Variants in TBP observed in about 807,000 individuals in gnomAD.
TBP encodes the protein TATA-box-binding protein.
TBP carries 12 observed loss-of-function variants against 46.2 expected under a neutral mutation model. That is an observed-to-expected ratio of 0.26 (90% CI 0.17 to 0.42). The LOEUF is 0.42. Among genes scored for constraint, TBP ranks in the 10% least tolerant of loss-of-function variants. The pLI, the probability that TBP is intolerant of heterozygous loss-of-function variation, is 1.00. For missense variants in TBP, 229 were observed against 403.1 expected, an observed-to-expected ratio of 0.57 and a Z score of 3.70; for synonymous variants, 157 against 148.3, an observed-to-expected ratio of 1.06 and a Z score of -0.42.
chr6:170,558,673 A>G (rs1277091714), intron 2 of TBP, among the ~76,000 whole-genome samples: 1 of 145,826 alleles, frequency 6.9e-6, no homozygotes, highest in East Asian at 2.0e-4. Flanking sequence ...TTGTTATCAA[A>G]CTTTTTTTTT....
intron 5 of TBP, 143 bp downstream of exon 5, chr6:170,567,152 TATTTTTA>T: frequency 6.6e-6 from 2 of 304,628 alleles, no homozygotes; most frequent in African/African-American, 4.4e-5. Flanking sequence ...TTCTATTAAT[TATTTTTA>T]TTTATTTATT....
At position 170,564,603 on chromosome 6, in the gene TBP, C is replaced by T. The variant is rs756227958; in HGVS notation, c.556C>T (p.Arg186Cys). The T allele has an allele frequency of 2.5e-6, 4 of 1,610,368 alleles. No individual in the cohort carries two copies. Among genetic ancestry groups the T allele is most frequent in the Non-Finnish European group, 3.4e-6 (4 of 1,178,022 alleles). The change falls in exon 4 of 8, where the codon CGT becomes TGT. Residue 186 changes from arginine (R) to cysteine (C), a missense_variant. Coordinates refer to ENST00000392092, the MANE Select transcript of TBP (RefSeq NM_003194.5). ...CKLDLKTIAL[R>C]ARNAEYNPKR... is the part of the protein sequence containing the mutation. ...ACTTGACCTAAAGACCATTGCACTTCGTGCCCGAAACGCCGAATATAATCC... is the reference window on the plus strand; with the variant it reads ...ACTTGACCTAAAGACCATTGCACTTTGTGCCCGAAACGCCGAATATAATCC...
At position 170,562,192 on chromosome 6, in the gene TBP, C is replaced by T; in HGVS notation, c.456C>T (p.Ala152=). The T allele has an allele frequency of 1.2e-6, 2 of 1,614,186 alleles. No individual in the cohort carries two copies. Among genetic ancestry groups the T allele is most frequent in the Non-Finnish European group, 1.7e-6 (2 of 1,180,032 alleles). The change falls in exon 3 of 8, where the codon GCC becomes GCT. Residue 152 remains alanine (A), a synonymous_variant. Transcript: ENST00000392092. ...PMTPMTPITP[A]TPASESSGIV... is the part of the protein sequence containing the mutation. ...CTCCCATGACCCCCATCACTCCTGC[C>T]ACGCCAGCTTCGGAGAGTTCTGGGA...
At position 170,562,245 on chromosome 6, in the gene TBP, G is replaced by A. The variant is rs200023019; in HGVS notation, c.497+12G>A. ...GTACCGCAGCTGCAGTGAGTACTTC[G>A]TGTTTTATGTTTCCTCCCACTTAGG... On this transcript the variant is annotated intron_variant, in intron 3 of 7. Coordinates refer to ENST00000392092, the MANE Select transcript of TBP (RefSeq NM_003194.5). 5.7e-5 allele frequency: 91 copies of A among 1,607,680 alleles called. No individual in the cohort carries two copies. In the East Asian group the frequency reaches 1.5e-3, roughly 27 times the overall value.
rs55985680 is a variant in TBP, at chr6:170,572,767, A to G, written c.*502A>G. 6,630 of 155,506 alleles carry G rather than the reference A, an allele frequency of 0.043. 175 individuals are homozygous for G. The highest frequency in any genetic ancestry group is 0.082 in the Middle Eastern group (25 of 304). The allele number at this position is 155,506 out of a possible 1,614,324, so 9.6% of individuals were successfully genotyped here. The stretch of plus-strand genomic sequence containing the variant: ...TTCCACCTCTCCAGTATTGCAGGAC[A>G]GAATATATGTGTTAATGAAAATGAA... On this transcript the variant is annotated 3_prime_UTR_variant, in exon 8 of 8. Transcript: ENST00000392092.
In TBP at chr6:170,569,609, T is replaced by C. The variant is rs1438635732; in HGVS notation, c.678-3T>C. The C allele has an allele frequency of 3.1e-6, 5 of 1,612,140 alleles. No homozygotes were observed. Among genetic ancestry groups the C allele is most frequent in the Non-Finnish European group, 4.2e-6 (5 of 1,179,322 alleles). ...GAATAACTCACTTTTTTCCTTTCCC[T>C]AGTGAAGAACAGTCCAGACTGGCAG... On this transcript the variant is annotated splice_region_variant and splice_polypyrimidine_tract_variant and intron_variant, in intron 5 of 7. Coordinates refer to ENST00000392092, the MANE Select transcript of TBP (RefSeq NM_003194.5).
rs377394208 is a variant in TBP, at chr6:170,568,815, CTTTT to C, written c.678-773_678-770del. Among the ~76,000 whole-genome samples, 8 of 62,610 alleles carry C rather than the reference CTTTT, an allele frequency of 1.3e-4. 1 individual carries two copies. The highest frequency in any genetic ancestry group is 1.7e-4 in the Non-Finnish European group (6 of 34,384). The allele number at this position is 62,610 out of a possible 152,430, so 41.1% of individuals were successfully genotyped here. A position where few individuals can be genotyped will look rare whatever the true frequency, so the allele number is the denominator to read the frequency against. On this transcript the variant is annotated intron_variant, in intron 5 of 7. Transcript: ENST00000392092. ...TTCTCTTCTTTCTTTCTTTCCTTTT[CTTTT>C]TTTTTTTTTTTTTTTTTTTTTTTGG...
At chr6:170,555,422 A>G (rs1393153509) in intron 1 of TBP, among the ~76,000 whole-genome samples, 1 of 152,230 alleles carries the variant, frequency 6.6e-6, no homozygotes, top group Non-Finnish European at 1.5e-5. Context: ...TAACATTGAA[A>G]ACTCCTGATA....
chr6:170,568,815 C>CTTTTAT lies in TBP; in HGVS notation c.678-793_678-792insATTTTT. 3.2e-5 allele frequency among the ~76,000 whole-genome samples: 2 copies of CTTTTAT among 62,604 alleles called. 1 individual carries two copies. The highest frequency in any genetic ancestry group is 5.8e-5 in the Non-Finnish European group (2 of 34,378). 41.1% of individuals were successfully genotyped at this position (62,604 alleles called of 152,430 possible). ...TTCTCTTCTTTCTTTCTTTCCTTTT[C>CTTTTAT]TTTTTTTTTTTTTTTTTTTTTTTTT... On this transcript the variant is annotated intron_variant, in intron 5 of 7. Coordinates refer to ENST00000392092, the MANE Select transcript of TBP (RefSeq NM_003194.5).
chr6:170,569,982 G>A (rs992892094), intron 6 of TBP, among the ~76,000 whole-genome samples: 1 of 151,912 alleles, frequency 6.6e-6, no homozygotes, highest in Non-Finnish European at 1.5e-5. Context: ...ATCACTTTGC[G>A]GTACCCATAA....
chr6:170,565,387 T>C (rs1355746458), intron 4 of TBP, among the ~76,000 whole-genome samples: 3 of 152,196 alleles, frequency 2.0e-5, no homozygotes, highest in Non-Finnish European at 4.4e-5. Context: ...CCAGCTATAG[T>C]AGGCAAAGTA....
chr6:170,563,537 C>T lies in TBP; in HGVS notation c.498-1008C>T, dbSNP rs543793219. Among the ~76,000 whole-genome samples the T allele has an allele frequency of 2.0e-5, 3 of 152,224 alleles. No homozygotes were observed. In the East Asian group the frequency reaches 5.8e-4, roughly 29 times the overall value. ...TTCATAAGTGGACAAATGCTAAAGG[C>T]AGGTGTGTATACAAGGGTGATTGGA... On this transcript the variant is annotated intron_variant, in intron 3 of 7. Coordinates refer to ENST00000392092, the MANE Select transcript of TBP (RefSeq NM_003194.5).
chr6:170,561,629 T>A (rs1484407570), intron 2 of TBP, among the ~76,000 whole-genome samples, 162 bp from the exon 3 acceptor site: 5 of 152,228 alleles, frequency 3.3e-5, no homozygotes, highest in African/African-American at 1.2e-4. Context: ...AAGAAAGCAA[T>A]GTGTATAAGA....
intron 4 of TBP, among the ~76,000 whole-genome samples, chr6:170,566,366 G>A (rs937889034): frequency 6.6e-6 from 1 of 150,920 alleles, no homozygotes; most frequent in South Asian, 2.1e-4. Context: ...AGTTAAAACT[G>A]TGTTTTTTTC....
intron 2 of TBP, among the ~76,000 whole-genome samples, chr6:170,558,679 T>A (rs537682918): frequency 6.6e-6 from 1 of 151,950 alleles, no homozygotes; most frequent in South Asian, 2.1e-4. Context: ...TCAAACTTTT[T>A]TTTTTCTTTT....
chr6:170,561,736 C>G, intron 2 of TBP, 55 bp from the exon 3 acceptor site: 1 of 1,572,728 alleles, frequency 6.4e-7, no homozygotes, highest in Non-Finnish European at 8.6e-7. Flanking sequence ...CAAGAAAGTT[C>G]CACAAACACT....
At chr6:170,565,760 A>G (rs1779231910) in intron 4 of TBP, among the ~76,000 whole-genome samples, 1 of 152,212 alleles carries the variant, frequency 6.6e-6, no homozygotes, top group South Asian at 2.1e-4. Context: ...CAGGGAAGAC[A>G]TAGAGCAGGT....
rs888008678 is a variant in TBP, at chr6:170,560,257, G to T, written c.55-1534G>T. On this transcript the variant is annotated intron_variant, in intron 2 of 7. Coordinates refer to ENST00000392092, the MANE Select transcript of TBP (RefSeq NM_003194.5). The stretch of plus-strand genomic sequence containing the variant: ...CTCATGCTTGTAATCTCAGTACTTT[G>T]GGAGGCCAAGGTGGAAGGATCACTC... 8.5e-5 allele frequency among the ~76,000 whole-genome samples: 13 copies of T among 152,120 alleles called. 2 individuals carry two copies. Among genetic ancestry groups the T allele is most frequent in the Admixed American group, 8.5e-4 (13 of 15,272 alleles).
intron 7 of TBP, 67 bp downstream of exon 7, chr6:170,571,571 C>T: frequency 7.9e-7 from 1 of 1,262,280 alleles, no homozygotes; most frequent in Non-Finnish European, 1.1e-6. Flanking sequence ...TTTCTCAGTG[C>T]TGAAAAGAAA....
Sources: allele counts gnomAD v4.1 joint callset (sites outside exome capture counted in the v4.1 genomes callset), GRCh38; gene constraint gnomAD v4.1.1; transcripts MANE v1.5; gene names NCBI Gene and HGNC (gene_info 2026-07-23, HGNC 2026-07-21).